Variants in ADAMTSL1 observed in about 807,000 individuals in gnomAD.
The protein encoded by ADAMTSL1 is ADAMTS-like protein 1.
ADAMTSL1 carries 126 observed loss-of-function variants against 201.8 expected under a neutral mutation model. That is an observed-to-expected ratio of 0.62 (90% CI 0.54 to 0.72). ADAMTSL1 has a LOEUF of 0.72. Ranked by LOEUF, ADAMTSL1 falls within the 30% of genes least tolerant of loss-of-function variation. ADAMTSL1 has a pLI of 0.00. For synonymous variants in ADAMTSL1, 1,121 were observed against 903.4 expected (o/e 1.24, Z -4.32); for missense variants, 2,679 against 2,277.8 (o/e 1.18, Z -3.59).
chr9:17,996,394 ATAAGGTGAGGG>A (rs1819383044), intron 1 of ADAMTSL1, among the ~76,000 whole-genome samples: 1 of 152,116 alleles, frequency 6.6e-6, no homozygotes, highest in South Asian at 2.1e-4. Flanking sequence ...CCTTTTCAGT[ATAAGGTGAGGG>A]TAAGACTGAG....
At chr9:18,803,509 G>C (rs998216865) in intron 20 of ADAMTSL1, among the ~76,000 whole-genome samples, 6 of 152,174 alleles carry the variant, frequency 3.9e-5, no homozygotes, top group Admixed American at 2.0e-4. Context: ...CATGTCACAG[G>C]TTCCAGGGAT....
At chr9:18,010,166 C>T (rs182481338) in intron 1 of ADAMTSL1, among the ~76,000 whole-genome samples, 17 of 152,064 alleles carry the variant, frequency 1.1e-4, no homozygotes, top group Admixed American at 2.6e-4. Context: ...GTTTTTCAGA[C>T]GAAACTGAAG....
intron 2 of ADAMTSL1, among the ~76,000 whole-genome samples, chr9:18,377,977 G>A (rs1837378625): frequency 6.6e-6 from 1 of 152,096 alleles, no homozygotes; most frequent in African/African-American, 2.4e-5. Flanking sequence ...GTGTTTCTCA[G>A]CACCCTGAAA....
rs1003158046 is a variant in ADAMTSL1, at chr9:18,605,830, G to A, written c.475-16413G>A. ...TTTGACTGAAAGGGGTCAAAGCTGA[G>A]TATAAAGGTGCTTTGATATTGGAAC... is the stretch of plus-strand genomic sequence containing the variant. On this transcript the variant is annotated intron_variant, in intron 4 of 28. Coordinates refer to ENST00000380548, the MANE Select transcript of ADAMTSL1 (RefSeq NM_001040272.6). 2.2e-4 allele frequency among the ~76,000 whole-genome samples: 33 copies of A among 152,194 alleles called. 1 individual carries two copies. The highest frequency in any genetic ancestry group is 2.1e-3 in the Admixed American group (32 of 15,282).
chr9:18,803,513 C>A (rs1486876861), intron 20 of ADAMTSL1, among the ~76,000 whole-genome samples: 1 of 152,130 alleles, frequency 6.6e-6, no homozygotes, highest in African/African-American at 2.4e-5. Flanking sequence ...TCACAGGTTC[C>A]AGGGATTATG....
intron 1 of ADAMTSL1, among the ~76,000 whole-genome samples, chr9:18,121,333 A>T (rs1383988106): frequency 6.6e-6 from 1 of 152,092 alleles, no homozygotes; most frequent in African/African-American, 2.4e-5. Context: ...CCGACAAAAA[A>T]CTCAAACTAA....
At position 18,335,127 on chromosome 9, in the gene ADAMTSL1, C is replaced by A. The variant is rs527542869; in HGVS notation, c.208-169702C>A. Among the ~76,000 whole-genome samples the A allele has an allele frequency of 2.0e-5, 3 of 152,176 alleles. No individual in the cohort carries two copies. The East Asian group carries it at 5.8e-4, about 29-fold the overall frequency. Reference sequence around the variant, plus strand: ...ACAAAGATAATCAAAGTGGTGATAACAGATCTTTGATAAAGATATGTCCTT... The same window carrying A: ...ACAAAGATAATCAAAGTGGTGATAAAAGATCTTTGATAAAGATATGTCCTT... On this transcript the variant is annotated intron_variant, in intron 2 of 29. Coordinates refer to the ADAMTSL1 transcript ENST00000680146.
chr9:18,389,258 G>T (rs887327582), intron 2 of ADAMTSL1, among the ~76,000 whole-genome samples: 2 of 150,830 alleles, frequency 1.3e-5, no homozygotes, highest in African/African-American at 4.9e-5. Context: ...ACCTTGTCAA[G>T]AATATATATA....
intron 23 of ADAMTSL1, among the ~76,000 whole-genome samples, chr9:18,863,231 G>A (rs1216299565): frequency 1.3e-5 from 2 of 152,200 alleles, no homozygotes; most frequent in African/African-American, 4.8e-5. Context: ...TAACCACACA[G>A]TAACCCAATC....
chr9:18,276,700 AC>A (rs1365846447), intron 2 of ADAMTSL1, among the ~76,000 whole-genome samples: 1 of 152,204 alleles, frequency 6.6e-6, no homozygotes, highest in Non-Finnish European at 1.5e-5. Flanking sequence ...GGTGTATATC[AC>A]ATGATGAGAA....
chr9:18,160,512 G>C (rs1324746016), intron 1 of ADAMTSL1, among the ~76,000 whole-genome samples: 1 of 151,826 alleles, frequency 6.6e-6, no homozygotes, highest in Non-Finnish European at 1.5e-5. Flanking sequence ...AGATGCAAAG[G>C]GATGCCAACT....
At chr9:18,827,496 A>G (rs1824654727) in intron 22 of ADAMTSL1, among the ~76,000 whole-genome samples, 1 of 152,176 alleles carries the variant, frequency 6.6e-6, no homozygotes, top group South Asian at 2.1e-4. Flanking sequence ...ACCTCCAGCC[A>G]TCTTAAGAAG....
At chr9:18,000,306 A>T (rs1162310069) in intron 1 of ADAMTSL1, among the ~76,000 whole-genome samples, 1 of 152,006 alleles carries the variant, frequency 6.6e-6, no homozygotes, top group Non-Finnish European at 1.5e-5. Flanking sequence ...GTCATTAAAA[A>T]GTCAGACACT....
intron 1 of ADAMTSL1, among the ~76,000 whole-genome samples, chr9:18,085,486 T>TATATATATATATATACTGTGTGTGC (rs1554692344): frequency 0.04 from 5,832 of 144,800 alleles, 196 homozygotes; most frequent in East Asian, 0.2. Flanking sequence ...TGTGTGCATA[T>TATATATATATATATACTGTGTGTGC]ATATATATAT....
At chr9:18,401,251 G>A (rs1305031862) in intron 2 of ADAMTSL1, among the ~76,000 whole-genome samples, 2 of 152,156 alleles carry the variant, frequency 1.3e-5, no homozygotes, top group Admixed American at 6.5e-5. Flanking sequence ...TTCCACCTCT[G>A]AGTTTTGTTT....
chr9:18,584,265 G>A (rs955314888), intron 4 of ADAMTSL1, among the ~76,000 whole-genome samples: 5 of 151,870 alleles, frequency 3.3e-5, no homozygotes, highest in African/African-American at 4.8e-5. Context: ...TGAGTCTCAC[G>A]ATATCTGATG....
chr9:18,271,486 C>T (rs979182891), intron 2 of ADAMTSL1, among the ~76,000 whole-genome samples: 1 of 152,106 alleles, frequency 6.6e-6, no homozygotes, highest in African/African-American at 2.4e-5. Context: ...TCATCCATGT[C>T]CCTACAAAGG....
At position 18,409,838 on chromosome 9, in the gene ADAMTSL1, A is replaced by G. The variant is rs190544420; in HGVS notation, c.208-94991A>G. On this transcript the variant is annotated intron_variant, in intron 2 of 29. Coordinates refer to the ADAMTSL1 transcript ENST00000680146. Reference sequence around the variant, plus strand: ...ATATATAATGAAAATTTATATATGTACCTATACTATATAATGAAAATTTAT... The same window carrying G: ...ATATATAATGAAAATTTATATATGTGCCTATACTATATAATGAAAATTTAT... Among the ~76,000 whole-genome samples, 1,351 of 150,158 alleles carry G rather than the reference A, an allele frequency of 9.0e-3. 17 individuals are homozygous for G. The highest frequency in any genetic ancestry group is 0.031 in the African/African-American group (1,277 of 41,166).
At position 18,393,544 on chromosome 9, in the gene ADAMTSL1, T is replaced by C. The variant is rs1838137428; in HGVS notation, c.208-111285T>C. On this transcript the variant is annotated intron_variant, in intron 2 of 29. Transcript: ENST00000680146. ...GATATGTTGCATCATTCAAACTTAC[T>C]AAGGATGTTAAAGAAGACAGTGTGG... 2.0e-5 allele frequency among the ~76,000 whole-genome samples: 3 copies of C among 152,336 alleles called. No homozygotes were observed. In the South Asian group the frequency reaches 6.2e-4, roughly 32 times the overall value.
Sources: gnomAD v4.1 joint callset for allele counts (sites outside exome capture counted in the v4.1 genomes callset) on GRCh38, gnomAD v4.1.1 for gene constraint, MANE v1.5 for transcripts, NCBI Gene and HGNC (gene_info 2026-07-23, HGNC 2026-07-21) for gene names.